CHCHD3: variants seen among roughly 807,000 people sequenced by gnomAD.
The protein encoded by CHCHD3 is MICOS complex subunit MIC19.
CHCHD3 carries 20 observed loss-of-function variants against 38.2 expected under a neutral mutation model. That is an observed-to-expected ratio of 0.52 (90% CI 0.37 to 0.76). The LOEUF (loss-of-function observed/expected upper bound fraction) is 0.76, where lower values mean the gene tolerates loss of function less well. Among genes scored for constraint, CHCHD3 ranks in the 30% least tolerant of loss-of-function variants. The probability of loss-of-function intolerance (pLI) is 0.00; values close to 1 mark genes in which losing one functional copy is unlikely to be tolerated. For synonymous variants in CHCHD3, 82 were observed against 100.0 expected (o/e 0.82, Z 1.07); for missense variants, 245 against 279.2 (o/e 0.88, Z 0.87).
intron 2 of CHCHD3, among the ~76,000 whole-genome samples, chr7:133,029,546 T>G (rs999696515): frequency 6.6e-6 from 1 of 152,210 alleles, no homozygotes; most frequent in Non-Finnish European, 1.5e-5. Context: ...ATCTTCATAG[T>G]GCACTTTATG....
chr7:132,979,058 A>T (rs1235979130), intron 3 of CHCHD3, among the ~76,000 whole-genome samples: 1 of 152,204 alleles, frequency 6.6e-6, no homozygotes, highest in African/African-American at 2.4e-5. Flanking sequence ...TTAGCTGTAC[A>T]ATCTAATAAG....
At chr7:133,017,809 A>G (rs1426205900) in intron 3 of CHCHD3, among the ~76,000 whole-genome samples, 3 of 152,218 alleles carry the variant, frequency 2.0e-5, no homozygotes, top group Admixed American at 2.0e-4. Flanking sequence ...ATAAGAATAA[A>G]ACAGAGCTAG....
At chr7:132,906,630 T>G (rs555001814) in intron 4 of CHCHD3, among the ~76,000 whole-genome samples, 2 of 152,124 alleles carry the variant, frequency 1.3e-5, no homozygotes, top group Non-Finnish European at 2.9e-5. Context: ...CCAATCTTTT[T>G]CCTTTTTTCT....
chr7:133,016,694 A>G (rs1485549939), intron 3 of CHCHD3, among the ~76,000 whole-genome samples: 1 of 152,220 alleles, frequency 6.6e-6, no homozygotes, highest in Non-Finnish European at 1.5e-5. Context: ...ATATTGGCAA[A>G]GCTATGGAGG....
intron 5 of CHCHD3, among the ~76,000 whole-genome samples, chr7:132,876,540 CA>C (rs1312809509): frequency 7.9e-5 from 12 of 152,220 alleles, no homozygotes; most frequent in African/African-American, 2.4e-4. Flanking sequence ...TGTAGCCTTT[CA>C]AAAGGTAAAG....
At chr7:132,955,110 C>T (rs957508128) in intron 4 of CHCHD3, among the ~76,000 whole-genome samples, 8 of 151,650 alleles carry the variant, frequency 5.3e-5, no homozygotes, top group Admixed American at 6.6e-5. Context: ...CAAACTATCA[C>T]ACTGTGTGGC....
intron 3 of CHCHD3, among the ~76,000 whole-genome samples, chr7:132,996,780 G>A (rs893343950): frequency 6.6e-6 from 1 of 152,100 alleles, no homozygotes; most frequent in African/African-American, 2.4e-5. Flanking sequence ...CTTTCGAAAC[G>A]GACCATTTAC....
intron 3 of CHCHD3, among the ~76,000 whole-genome samples, chr7:132,991,387 T>C (rs2117371593): frequency 6.6e-6 from 1 of 152,352 alleles, no homozygotes; most frequent in East Asian, 1.9e-4. Context: ...TATAAATACA[T>C]AGCTCTTATT....
intron 2 of CHCHD3, among the ~76,000 whole-genome samples, chr7:133,044,732 G>C (rs1468783441): frequency 6.6e-6 from 1 of 152,268 alleles, no homozygotes; most frequent in East Asian, 1.9e-4. Context: ...AGGCTGGAAA[G>C]AGTCAAGGGA....
intron 4 of CHCHD3, among the ~76,000 whole-genome samples, chr7:132,933,082 A>G (rs1322521091): frequency 6.6e-6 from 1 of 152,212 alleles, no homozygotes. Flanking sequence ...CCAGTTTCAT[A>G]CATTTGTTAA....
At chr7:132,969,446 G>C (rs575300807) in intron 4 of CHCHD3, among the ~76,000 whole-genome samples, 1 of 152,286 alleles carries the variant, frequency 6.6e-6, no homozygotes, top group African/African-American at 2.4e-5. Flanking sequence ...AACTGGTGCA[G>C]TATCTGAGGC....
At chr7:132,937,174 A>G (rs1389484555) in intron 4 of CHCHD3, among the ~76,000 whole-genome samples, 3 of 152,170 alleles carry the variant, frequency 2.0e-5, no homozygotes, top group Admixed American at 1.3e-4. Context: ...TATGGCCTTT[A>G]TAGAAATTAT....
Position 132,876,282 on chromosome 7 carries a change from AATG to A in CHCHD3, c.453+9377_453+9379del, listed in dbSNP as rs1158971958. ...TTTCAATCTCATACGCAGGAAACAT[AATG>A]ATTTCCTGGCTGTAATATTCTTATC... On this transcript the variant is annotated intron_variant, in intron 5 of 7. Coordinates refer to ENST00000262570, the MANE Select transcript of CHCHD3 (RefSeq NM_017812.4). Among the ~76,000 whole-genome samples the A allele has an allele frequency of 2.6e-5, 4 of 152,328 alleles. No homozygotes were observed. In the East Asian group the frequency reaches 5.8e-4, roughly 22 times the overall value.
chr7:132,796,566 G>A lies in CHCHD3; in HGVS notation c.536C>T (p.Ser179Phe), dbSNP rs1265411704. ...CTGCAGATCAGCACAGACTGGATGA[G>A]ACTCATATCGCCTGAAAACAAACAC... ...EVEAKFKRYE[S>F]HPVCADLQAK... The change falls in exon 7 of 8, where the codon TCT becomes TTT. Residue 179 changes from serine (S) to phenylalanine (F), a missense_variant. Physicochemically the swap from Ser to Phe is radical, Grantham distance 155. Transcript: ENST00000262570. 1 of 1,613,682 alleles carries A rather than the reference G, an allele frequency of 6.2e-7. No homozygotes were observed. The highest frequency in any genetic ancestry group is 8.5e-7 in the Non-Finnish European group (1 of 1,179,726).
chr7:132,897,618 T>C (rs1809534114), intron 4 of CHCHD3, among the ~76,000 whole-genome samples: 1 of 152,228 alleles, frequency 6.6e-6, no homozygotes, highest in African/African-American at 2.4e-5. Flanking sequence ...CTGACTTTAT[T>C]TCTTCTCATG....
At chr7:132,955,215 T>TG (rs1554393837) in intron 4 of CHCHD3, among the ~76,000 whole-genome samples, 16 of 148,184 alleles carry the variant, frequency 1.1e-4, no homozygotes, top group African/African-American at 1.8e-4. Context: ...TGTGTGTGTG[T>TG]TGCGGGGTGG....
At chr7:132,883,551 G>A (rs1692206096) in intron 5 of CHCHD3, among the ~76,000 whole-genome samples, 1 of 152,022 alleles carries the variant, frequency 6.6e-6, no homozygotes, top group Admixed American at 6.6e-5. Flanking sequence ...TTAAGTGGTT[G>A]GAAAAAAATT....
chr7:132,792,761 G>A (rs116086092), intron 7 of CHCHD3, among the ~76,000 whole-genome samples: 2 of 152,314 alleles, frequency 1.3e-5, no homozygotes, highest in African/African-American at 4.8e-5. Context: ...AGCAACTGAA[G>A]CTCAAGTCAC....
At chr7:133,012,944 G>C (rs1193706497) in intron 3 of CHCHD3, among the ~76,000 whole-genome samples, 1 of 151,874 alleles carries the variant, frequency 6.6e-6, no homozygotes, top group Non-Finnish European at 1.5e-5. Context: ...CCACCACTTT[G>C]GGAGGTCAAG....
Sources: gnomAD v4.1 joint callset for allele counts (sites outside exome capture counted in the v4.1 genomes callset) on GRCh38, gnomAD v4.1.1 for gene constraint, MANE v1.5 for transcripts, NCBI Gene and HGNC (gene_info 2026-07-23, HGNC 2026-07-21) for gene names.